IVNS1ABP: variants seen among roughly 807,000 people sequenced by gnomAD.
The protein encoded by IVNS1ABP is influenza virus NS1A binding protein, also known as influenza virus NS1A-binding protein.
A neutral mutation model predicts 78.9 loss-of-function variants in IVNS1ABP; 25 were observed. That is an observed-to-expected ratio of 0.32 (90% CI 0.23 to 0.44). The LOEUF (loss-of-function observed/expected upper bound fraction) is 0.44, where lower values mean the gene tolerates loss of function less well. Ranked by LOEUF, IVNS1ABP falls within the 20% of genes least tolerant of loss-of-function variation. IVNS1ABP has a pLI of 1.00. For synonymous variants in IVNS1ABP, 241 were observed against 259.7 expected (o/e 0.93, Z 0.69); for missense variants, 494 against 768.9 (o/e 0.64, Z 4.23).
At chr1:185,310,303 T>C (rs1274850517) in intron 2 of IVNS1ABP, among the ~76,000 whole-genome samples, 1 of 152,086 alleles carries the variant, frequency 6.6e-6, no homozygotes, top group Non-Finnish European at 1.5e-5. Context: ...CTACACAAAA[T>C]GCATAATTAA....
intron 8 of IVNS1ABP, among the ~76,000 whole-genome samples, chr1:185,304,298 C>G (rs1443166076): frequency 6.6e-6 from 1 of 152,126 alleles, no homozygotes; most frequent in Non-Finnish European, 1.5e-5. Flanking sequence ...TTATTGGGCA[C>G]TCAACCTCTG....
chr1:185,301,832 A>C, intron 8 of IVNS1ABP: 1 of 241,322 alleles, frequency 4.1e-6, no homozygotes, highest in Non-Finnish European at 8.0e-6. Flanking sequence ...GTTGCAAATC[A>C]AGACCTCAGC....
Position 185,297,078 on chromosome 1 carries a change from C to A in IVNS1ABP, c.*957G>T, listed in dbSNP as rs1319836843. 1 of 152,030 alleles carries A rather than the reference C, an allele frequency of 6.6e-6. No homozygotes were observed. Among genetic ancestry groups the A allele is most frequent in the Non-Finnish European group, 1.5e-5 (1 of 67,988 alleles). The allele number at this position is 152,030 out of a possible 1,614,324, so 9.4% of individuals were successfully genotyped here. A position where few individuals can be genotyped will look rare whatever the true frequency, so the allele number is the denominator to read the frequency against. On this transcript the variant is annotated 3_prime_UTR_variant, in exon 15 of 15. Coordinates refer to ENST00000367498, the MANE Select transcript of IVNS1ABP (RefSeq NM_006469.5). ...GAACAAAAACATAGTTCTGATAAAA[C>A]CTGCATTCACAACCTAATGTAGTTT...
intron 3 of IVNS1ABP, 65 bp from the exon 4 acceptor site, chr1:185,309,237 T>C (rs1665822329): frequency 3.2e-6 from 4 of 1,269,706 alleles, no homozygotes; most frequent in East Asian, 5.0e-5. Context: ...CTAATTACTA[T>C]ATCAGATTCC....
At position 185,300,528 on chromosome 1, in the gene IVNS1ABP, G is replaced by A; in HGVS notation, c.1151C>T (p.Thr384Ile). The change falls in exon 11 of 15, where the codon ACA (threonine) becomes ATA (isoleucine). Residue 384 changes from threonine to isoleucine, a missense_variant. Coordinates refer to ENST00000367498, the MANE Select transcript of IVNS1ABP (RefSeq NM_006469.5). ...TGTATGTGGATTATAGCATTCGACT[G>A]TTCGAAGACATTCCTCTCTGTTATA... ...GGYNREECLR[T>I]VECYNPHTDH... 1 of 1,613,290 alleles carries A rather than the reference G, an allele frequency of 6.2e-7. No homozygotes were observed. Among genetic ancestry groups the A allele is most frequent in the Middle Eastern group, 1.7e-4 (1 of 6,058 alleles).
Position 185,297,955 on chromosome 1 carries a change from ACC to A in IVNS1ABP, c.*78_*79del. The A allele has an allele frequency of 7.2e-7, 1 of 1,392,914 alleles. No individual in the cohort carries two copies. Among genetic ancestry groups the A allele is most frequent in the Non-Finnish European group, 9.9e-7 (1 of 1,007,450 alleles). The allele number at this position is 1,392,914 out of a possible 1,614,324, so 86.3% of individuals were successfully genotyped here. A position where few individuals can be genotyped will look rare whatever the true frequency, so the allele number is the denominator to read the frequency against. On this transcript the variant is annotated 3_prime_UTR_variant, in exon 15 of 15. Transcript: ENST00000367498. ...CTGTTAGCAACATCTATACCCACCC[ACC>A]CTCTTTATTCACAAGTGTACCTCTA...
intron 5 of IVNS1ABP, chr1:185,307,988 T>C: frequency 1.3e-6 from 2 of 1,550,026 alleles, no homozygotes; most frequent in Non-Finnish European, 1.7e-6. Context: ...ATGATGTTGA[T>C]GTTGAATGCA....
Position 185,317,120 on chromosome 1 carries a change from G to T in IVNS1ABP, c.-414C>A, listed in dbSNP as rs886899029. ...GTCCGTGGAGACTGAAAGGAAGGGGGAGCGCCACCGAGAACTCGCGGGAAC... is the reference window on the plus strand; with the variant it reads ...GTCCGTGGAGACTGAAAGGAAGGGGTAGCGCCACCGAGAACTCGCGGGAAC... On this transcript the variant is annotated 5_prime_UTR_variant, in exon 1 of 15. Transcript: ENST00000367498. 72 of 396,314 alleles carry T rather than the reference G, an allele frequency of 1.8e-4. No individual in the cohort carries two copies. The highest frequency in any genetic ancestry group is 3.1e-5 in the Non-Finnish European group (7 of 225,434). 24.5% of individuals were successfully genotyped at this position (396,314 alleles called of 1,614,324 possible). A position where few individuals can be genotyped will look rare whatever the true frequency, so the allele number is the denominator to read the frequency against.
At position 185,298,067 on chromosome 1, in the gene IVNS1ABP, A is replaced by AT; in HGVS notation, c.1896dup (p.Trp633MetfsTer42). On this transcript the variant is annotated frameshift_variant, in exon 15 of 15. Coordinates refer to ENST00000367498, the MANE Select transcript of IVNS1ABP (RefSeq NM_006469.5). LOFTEE classifies it high-confidence loss of function. The surrounding 1 kb of genome is among the most constrained non-coding windows in gnomAD (Gnocchi z 4.1). ...TGGAAAATCTTTGTATAGGGGCTCC[A>AT]TTCATTTGACTCAAGGTTATAGACT... 6.2e-7 allele frequency: 1 copy of AT among 1,613,644 alleles called. No homozygotes were observed. Among genetic ancestry groups the AT allele is most frequent in the Non-Finnish European group, 8.5e-7 (1 of 1,179,726 alleles).
chr1:185,300,569 A>G lies in IVNS1ABP; in HGVS notation c.1121-11T>C, dbSNP rs1488502864. 6.2e-7 allele frequency: 1 copy of G among 1,611,658 alleles called. No homozygotes were observed. Among genetic ancestry groups the G allele is most frequent in the South Asian group, 1.1e-5 (1 of 90,700 alleles). On this transcript the variant is annotated splice_polypyrimidine_tract_variant and intron_variant, in intron 10 of 14. Transcript: ENST00000367498. ...CTCTGTTATAGCCACCTGGTAAAAA[A>G]TAAAACCATAAAGATTTATGTTTAA...
intron 1 of IVNS1ABP, among the ~76,000 whole-genome samples, chr1:185,312,401 A>G (rs1665911592): frequency 6.6e-6 from 1 of 152,222 alleles, no homozygotes; most frequent in South Asian, 2.1e-4. Context: ...ATTCATTTTT[A>G]TGGATATCTT....
intron 8 of IVNS1ABP, among the ~76,000 whole-genome samples, chr1:185,302,388 T>C (rs1168557694): frequency 6.6e-6 from 1 of 152,070 alleles, no homozygotes; most frequent in East Asian, 1.9e-4. Flanking sequence ...TATGATCATA[T>C]GGAATTGGAA....
At chr1:185,300,408 G>A (rs747380218) in intron 11 of IVNS1ABP, 29 bp downstream of exon 11, 1 of 1,613,380 alleles carries the variant, frequency 6.2e-7, no homozygotes, top group Admixed American at 1.7e-5. Flanking sequence ...AGCTAAATAG[G>A]GGTTGCTCCT....
intron 1 of IVNS1ABP, among the ~76,000 whole-genome samples, chr1:185,313,613 G>C (rs757328555): frequency 3.9e-5 from 6 of 152,196 alleles, no homozygotes; most frequent in East Asian, 1.9e-4. Context: ...ATTGACGGGA[G>C]ATCTTATTTG....
At chr1:185,304,243 C>A (rs1162314566) in intron 8 of IVNS1ABP, among the ~76,000 whole-genome samples, 1 of 152,120 alleles carries the variant, frequency 6.6e-6, no homozygotes, top group Non-Finnish European at 1.5e-5. Context: ...GAAACTGTCT[C>A]TTACACATTT....
chr1:185,299,330 G>A, intron 14 of IVNS1ABP: 1 of 245,112 alleles, frequency 4.1e-6, no homozygotes, highest in Non-Finnish European at 8.1e-6. Flanking sequence ...AATTAGGTAT[G>A]GAGTAGACAG....
Position 185,308,814 on chromosome 1 carries a change from C to A in IVNS1ABP, c.343G>T (p.Asp115Tyr). 1.2e-6 allele frequency: 2 copies of A among 1,608,802 alleles called. No homozygotes were observed. The highest frequency in any genetic ancestry group is 1.7e-6 in the Non-Finnish European group (2 of 1,178,756). ...VYSAAKKLKM[D>Y]RVKQVCGDYL... ...TGATACTCTACCTGCTTTACTCGAT[C>A]CATCTTCAGCTTTTTTGCTGCAGAA... Residue 115 changes from aspartate to tyrosine, a missense_variant, in exon 5 of 15, where the codon GAT (aspartate) becomes TAT (tyrosine). By Grantham distance (160) the Asp-to-Tyr change is radical. Transcript: ENST00000367498.
intron 6 of IVNS1ABP, 35 bp downstream of exon 6, chr1:185,307,454 A>ATAGTATATATCTGTT (rs1411540805): frequency 9.3e-6 from 14 of 1,506,076 alleles, no homozygotes; most frequent in Non-Finnish European, 1.1e-5. Flanking sequence ...CTGGAACTAG[A>ATAGTATATATCTGTT]TAGTATATAT....
chr1:185,297,097 GTAGTT>G lies in IVNS1ABP; in HGVS notation c.*933_*937del, dbSNP rs1393256086. ...ATAAAACCTGCATTCACAACCTAAT[GTAGTT>G]TAAAGTAAATTTTTTCACAATTGAG... On this transcript the variant is annotated 3_prime_UTR_variant, in exon 15 of 15. Coordinates refer to ENST00000367498, the MANE Select transcript of IVNS1ABP (RefSeq NM_006469.5). The G allele has an allele frequency of 6.6e-6, 1 of 152,064 alleles. No homozygotes were observed. Among genetic ancestry groups the G allele is most frequent in the Admixed American group, 6.6e-5 (1 of 15,260 alleles). The allele number at this position is 152,064 out of a possible 1,614,324, so 9.4% of individuals were successfully genotyped here. A position where few individuals can be genotyped will look rare whatever the true frequency, so the allele number is the denominator to read the frequency against.
Sources: gnomAD v4.1 joint callset for allele counts (sites outside exome capture counted in the v4.1 genomes callset) on GRCh38, gnomAD v4.1.1 for gene constraint, Gnocchi (gnomAD v3.1) non-coding constraint, MANE v1.5 for transcripts, NCBI Gene and HGNC (gene_info 2026-07-23, HGNC 2026-07-21) for gene names.